The following NDP variants were observed in gnomAD, a reference collection of about 807,000 sequenced individuals.
NDP encodes norrin cystine knot growth factor NDP.
In NDP, 2 loss-of-function variants were observed where a neutral mutation model predicts 8.4. The observed-to-expected ratio is 0.24, with a 90% confidence interval of 0.10 to 0.75. The LOEUF is 0.75. Among genes scored for constraint, NDP ranks in the 30% least tolerant of loss-of-function variants. The probability of loss-of-function intolerance (pLI) is 0.73; values close to 1 mark genes in which losing one functional copy is unlikely to be tolerated. For missense variants in NDP, 81 were observed against 110.1 expected, an observed-to-expected ratio of 0.74 and a Z score of 1.18; for synonymous variants, 55 against 45.6, an observed-to-expected ratio of 1.21 and a Z score of -0.83.
At chrX:43,960,503 T>C (rs1400449038) in intron 1 of NDP, among the ~76,000 whole-genome samples, 1 of 112,436 alleles carries the variant, frequency 8.9e-6, no homozygotes, top group Non-Finnish European at 1.9e-5. Context: ...AAATCAAACC[T>C]GTGCCCAAAG....
intron 2 of NDP, among the ~76,000 whole-genome samples, chrX:43,955,428 A>G (rs933090268): frequency 8.9e-6 from 1 of 112,024 alleles, no homozygotes; most frequent in African/African-American, 3.3e-5. Context: ...ACTTCCTCAA[A>G]GTCACTCATT....
In NDP at chrX:43,955,349, C is replaced by T. The variant is rs191568732; in HGVS notation, c.174+3123G>A. 2.9e-3 allele frequency among the ~76,000 whole-genome samples: 321 copies of T among 111,984 alleles called. 1 individual carries two copies. Among genetic ancestry groups the T allele is most frequent in the African/African-American group, 9.9e-3 (305 of 30,804 alleles). On this transcript the variant is annotated intron_variant, in intron 2 of 2. Coordinates refer to ENST00000642620, the MANE Select transcript of NDP (RefSeq NM_000266.4). ...CTTTACAAATCACCAACACCCATAC[C>T]CATACCCTCAGGTAGACAGCTCTAT...
intron 1 of NDP, among the ~76,000 whole-genome samples, chrX:43,964,674 A>T (rs2035847011): frequency 8.9e-6 from 1 of 112,004 alleles, no homozygotes; most frequent in Non-Finnish European, 1.9e-5. Context: ...ATGGGATAAC[A>T]ATTTCACTGC....
chrX:43,949,961 C>T lies in NDP; in HGVS notation c.240G>A (p.Ser80=), dbSNP rs761675721. The T allele has an allele frequency of 7.4e-6, 9 of 1,208,741 alleles. No homozygotes were observed. Among genetic ancestry groups the T allele is most frequent in the South Asian group, 7.1e-5 (4 of 56,148 alleles). Residue 80 remains serine, a synonymous_variant, in exon 3 of 3, where the codon TCG becomes TCA. Coordinates refer to ENST00000642620, the MANE Select transcript of NDP (RefSeq NM_000266.4). Reference sequence around the variant, plus strand: ...AGGGTTGCTTGAGGACAGTGCTGAACGACACCAAAGGCTCGGAGCGTGACG... The same window carrying T: ...AGGGTTGCTTGAGGACAGTGCTGAATGACACCAAAGGCTCGGAGCGTGACG... ...SQASRSEPLV[S]FSTVLKQPFR... is the part of the protein sequence containing the mutation.
chrX:43,957,200 A>G lies in NDP; in HGVS notation c.174+1272T>C, dbSNP rs138127095. On this transcript the variant is annotated intron_variant, in intron 2 of 2. Coordinates refer to ENST00000642620, the MANE Select transcript of NDP (RefSeq NM_000266.4). Reference sequence around the variant, plus strand: ...GAGAAACTAATAATTGCTGCAGTCAACCTTACATGGGCCCACAATTTCTGA... The same window carrying G: ...GAGAAACTAATAATTGCTGCAGTCAGCCTTACATGGGCCCACAATTTCTGA... Among the ~76,000 whole-genome samples, 15 of 111,771 alleles carry G rather than the reference A, an allele frequency of 1.3e-4. No individual in the cohort carries two copies. In the South Asian group the frequency reaches 1.5e-3, roughly 11 times the overall value.
At position 43,949,882 on chromosome X, in the gene NDP, G is replaced by T. The variant is rs78267814; in HGVS notation, c.319C>A (p.Arg107=). ...RPQTSKLKAL[R]LRCSGGMRLT... ...CGCATGCCCCCTGAGCATCGCAGCC[G>T]CAGTGCCTTCAGCTTGGAAGTCTGG... Residue 107 remains arginine (R), a synonymous_variant, in exon 3 of 3, where the codon CGG becomes AGG. Transcript: ENST00000642620. The T allele has an allele frequency of 6.7e-6, 8 of 1,196,127 alleles. No homozygotes were observed. Among genetic ancestry groups the T allele is most frequent in the East Asian group, 6.1e-5 (2 of 32,982 alleles).
chrX:43,967,909 A>G (rs990193125), intron 1 of NDP, among the ~76,000 whole-genome samples: 1 of 111,266 alleles, frequency 9.0e-6, no homozygotes, highest in African/African-American at 3.3e-5. Context: ...CTTGGAAGAG[A>G]GCAAATTGTC....
rs957365260 is a variant in NDP at position 43,955,514 on chromosome X, G to C, written c.174+2958C>G. On this transcript the variant is annotated intron_variant, in intron 2 of 2. Coordinates refer to ENST00000642620, the MANE Select transcript of NDP (RefSeq NM_000266.4). The stretch of plus-strand genomic sequence containing the variant: ...CCTGGCATGCCTCAGTTCTCATAGA[G>C]ATTCCACCAGGCAGTCTGTTTCCAC... Among the ~76,000 whole-genome samples, 28 of 112,658 alleles carry C rather than the reference G, an allele frequency of 2.5e-4. No homozygotes were observed. In the South Asian group the frequency reaches 3.3e-3, roughly 13 times the overall value.
intron 1 of NDP, among the ~76,000 whole-genome samples, 173 bp downstream of exon 1, chrX:43,973,131 C>T (rs921676218): frequency 1.8e-5 from 2 of 112,760 alleles, no homozygotes; most frequent in South Asian, 7.4e-4. Context: ...ACTTCAAAGA[C>T]CCGTTCATTT....
intron 1 of NDP, among the ~76,000 whole-genome samples, chrX:43,960,401 T>G (rs2035820011): frequency 8.9e-6 from 1 of 112,241 alleles, no homozygotes; most frequent in African/African-American, 3.2e-5. Context: ...CATCTCCATA[T>G]GCAGACAGTG....
At chrX:43,969,591 G>A (rs2239446) in intron 1 of NDP, 7,126 of 112,314 alleles carry the variant, frequency 0.063, 308 homozygotes, top group East Asian at 0.22. Context: ...CAGCCCAAAG[G>A]GCAGCTAAGC....
At chrX:43,953,113 C>A (rs962597709) in intron 2 of NDP, among the ~76,000 whole-genome samples, 1 of 104,270 alleles carries the variant, frequency 9.6e-6, no homozygotes, top group African/African-American at 3.7e-5. Context: ...AATTATTGAA[C>A]CATTGATGTT....
At chrX:43,951,149 C>T (rs1441036218) in intron 2 of NDP, among the ~76,000 whole-genome samples, 1 of 111,036 alleles carries the variant, frequency 9.0e-6, no homozygotes, top group African/African-American at 3.3e-5. Context: ...TGTATTGTCT[C>T]ATGCCTATAA....
intron 2 of NDP, among the ~76,000 whole-genome samples, chrX:43,952,998 T>C: frequency 9.0e-6 from 1 of 111,248 alleles, no homozygotes; most frequent in Non-Finnish European, 1.9e-5. Context: ...GTCTTCTGTC[T>C]CCCAAATATG....
At chrX:43,956,883 G>A (rs922944685) in intron 2 of NDP, among the ~76,000 whole-genome samples, 4 of 111,588 alleles carry the variant, frequency 3.6e-5, no homozygotes, top group Middle Eastern at 4.7e-3. Context: ...GAATTTCTTC[G>A]GTTTGAGTTC....
intron 2 of NDP, among the ~76,000 whole-genome samples, chrX:43,957,081 A>G (rs1442607736): frequency 1.2e-4 from 13 of 111,796 alleles, no homozygotes; most frequent in Non-Finnish European, 2.4e-4. Context: ...AAAAAGAATC[A>G]CGATTATGGA....
chrX:43,956,032 A>G (rs1453202823), intron 2 of NDP, among the ~76,000 whole-genome samples: 1 of 112,166 alleles, frequency 8.9e-6, no homozygotes, highest in East Asian at 2.8e-4. Flanking sequence ...TGTAAGGCAG[A>G]CATTGCCACT....
chrX:43,956,133 G>T (rs768565317), intron 2 of NDP, among the ~76,000 whole-genome samples: 2 of 111,474 alleles, frequency 1.8e-5, no homozygotes, highest in African/African-American at 3.3e-5. Flanking sequence ...GCCATCACAG[G>T]TTTCTTGGCA....
chrX:43,953,524 A>T lies in NDP; in HGVS notation c.175-3498T>A, dbSNP rs766339187. The T allele has an allele frequency of 2.7e-5, 3 of 112,808 alleles. No homozygotes were observed. In the South Asian group the frequency reaches 1.1e-3, roughly 41 times the overall value. The allele number at this position is 112,808 out of a possible 1,213,427, so 9.3% of individuals were successfully genotyped here. On this transcript the variant is annotated intron_variant, in intron 2 of 2. Coordinates refer to ENST00000642620, the MANE Select transcript of NDP (RefSeq NM_000266.4). ...CTTTGAGTAGCAGGTCTCTGGACCC[A>T]TTCAAGTTTGAGGGCTGTGCTCTAG...
Sources: allele counts gnomAD v4.1 joint callset (sites outside exome capture counted in the v4.1 genomes callset), GRCh38; gene constraint gnomAD v4.1.1; transcripts MANE v1.5; gene names NCBI Gene and HGNC (gene_info 2026-07-23, HGNC 2026-07-21).